C19orf12: variants seen among roughly 807,000 people sequenced by gnomAD.
C19orf12 encodes protein C19orf12.
In C19orf12, 2 loss-of-function variants were observed where a neutral mutation model predicts 3.8. The ratio of observed to expected loss-of-function variants is 0.53; its 90% confidence interval spans 0.22 to 1.66. The LOEUF is 1.66. C19orf12 is among the 40% of genes most tolerant of loss of function. The pLI, the probability that C19orf12 is intolerant of heterozygous loss-of-function variation, is 0.20. For missense variants in C19orf12, 156 were observed against 188.8 expected, an observed-to-expected ratio of 0.83 and a Z score of 1.02; for synonymous variants, 89 against 84.6, an observed-to-expected ratio of 1.05 and a Z score of -0.28.
At position 29,700,050 on chromosome 19, in the gene C19orf12, G is replaced by C; in HGVS notation, c.*2662C>G. ...TTCACTCAGCAAGGCCTGCTCCATC[G>C]GACACAAAACTGATCAGGAGTTGGA... On this transcript the variant is annotated 3_prime_UTR_variant, in exon 3 of 3. Coordinates refer to ENST00000323670, the MANE Select transcript of C19orf12 (RefSeq NM_031448.6). 2.2e-6 allele frequency: 1 copy of C among 453,886 alleles called. No individual in the cohort carries two copies. The highest frequency in any genetic ancestry group is 1.6e-5 in the South Asian group (1 of 64,472). The allele number at this position is 453,886 out of a possible 1,614,324, so 28.1% of individuals were successfully genotyped here. A position where few individuals can be genotyped will look rare whatever the true frequency, so the allele number is the denominator to read the frequency against.
chr19:29,705,669 C>A (rs1010235959), intron 2 of C19orf12, among the ~76,000 whole-genome samples: 1 of 148,904 alleles, frequency 6.7e-6, no homozygotes, highest in Non-Finnish European at 1.5e-5. Flanking sequence ...AACCACCATG[C>A]CTGGCTAATT....
At chr19:29,704,757 C>G (rs1275345321) in intron 2 of C19orf12, among the ~76,000 whole-genome samples, 1 of 152,174 alleles carries the variant, frequency 6.6e-6, no homozygotes, top group African/African-American at 2.4e-5. Flanking sequence ...CCCGGCCTCT[C>G]CCCTGCTGAG....
At chr19:29,712,567 T>G (rs1972739657) in intron 1 of C19orf12, among the ~76,000 whole-genome samples, 2 of 152,040 alleles carry the variant, frequency 1.3e-5, no homozygotes, top group Admixed American at 6.6e-5. Context: ...CATGGAGTAG[T>G]AACTCAGGCT....
In C19orf12 at chr19:29,705,366, C is replaced by G. The variant is rs141223650; in HGVS notation, c.161-2389G>C. On this transcript the variant is annotated intron_variant, in intron 2 of 2. Transcript: ENST00000323670. ...GAGGAGACTAAGAAAGCAGGCGATT[C>G]AATGCAATGCGGTGTCTTAGACTGG... The G allele has an allele frequency of 1.1e-3, 404 of 374,862 alleles. 1 individual carries two copies. Among genetic ancestry groups the G allele is most frequent in the African/African-American group, 0.011 (364 of 34,226 alleles). The allele number at this position is 374,862 out of a possible 1,614,324, so 23.2% of individuals were successfully genotyped here. A position where few individuals can be genotyped will look rare whatever the true frequency, so the allele number is the denominator to read the frequency against.
Position 29,702,744 on chromosome 19 carries a change from C to T in C19orf12, c.394G>A (p.Glu132Lys), listed in dbSNP as rs1470139009. Residue 132 changes from glutamate (E) to lysine (K), a missense_variant, in exon 3 of 3, where the codon GAG (glutamate) becomes AAG (lysine). Physicochemically the swap from Glu to Lys is moderately conservative, Grantham distance 56. Transcript: ENST00000323670. ...LAMLVNYVTK[E>K]LRAEIQYDD ...TCATACTGGATCTCGGCCCGCAGCT[C>T]CTTGGTGACGTAGTTCACCAGCATG... The T allele has an allele frequency of 6.2e-7, 1 of 1,613,804 alleles. No homozygotes were observed. The highest frequency in any genetic ancestry group is 1.3e-5 in the African/African-American group (1 of 74,926).
Position 29,700,731 on chromosome 19 carries a change from C to T in C19orf12, c.*1981G>A, listed in dbSNP as rs186928561. On this transcript the variant is annotated 3_prime_UTR_variant, in exon 3 of 3. Coordinates refer to ENST00000323670, the MANE Select transcript of C19orf12 (RefSeq NM_031448.6). ...GGCCAGCAGAAGAGCAATCGCTCTG[C>T]AAGAGAAAGGCTCGGCCCTTCCTTA... 2.2e-6 allele frequency: 1 copy of T among 454,150 alleles called. No individual in the cohort carries two copies. The highest frequency in any genetic ancestry group is 2.0e-5 in the African/African-American group (1 of 50,136). The allele number at this position is 454,150 out of a possible 1,614,324, so 28.1% of individuals were successfully genotyped here.
intron 1 of C19orf12, among the ~76,000 whole-genome samples, chr19:29,712,310 G>A (rs1368837946): frequency 1.3e-5 from 2 of 152,068 alleles, no homozygotes; most frequent in African/African-American, 4.8e-5. Flanking sequence ...GGAGGCTGAG[G>A]CAGGAGAACC....
chr19:29,706,084 C>T (rs189347227), intron 2 of C19orf12, among the ~76,000 whole-genome samples: 12 of 152,334 alleles, frequency 7.9e-5, no homozygotes, highest in Non-Finnish European at 1.6e-4. Flanking sequence ...GACACCACCC[C>T]GGGTACTGAG....
chr19:29,712,367 C>T (rs1306650125), intron 1 of C19orf12, among the ~76,000 whole-genome samples: 6 of 151,928 alleles, frequency 3.9e-5, no homozygotes, highest in African/African-American at 1.5e-4. Context: ...GATCACACCA[C>T]TGCACTCCAG....
chr19:29,701,953 G>C lies in C19orf12; in HGVS notation c.*759C>G, dbSNP rs139678320. ...GCTTTATTGTGATGTTGGCTTTACCGAGGTGGTCTGGAACTGAACCCACAA... is the reference window on the plus strand; with the variant it reads ...GCTTTATTGTGATGTTGGCTTTACCCAGGTGGTCTGGAACTGAACCCACAA... On this transcript the variant is annotated 3_prime_UTR_variant, in exon 3 of 3. Coordinates refer to ENST00000323670, the MANE Select transcript of C19orf12 (RefSeq NM_031448.6). 2.2e-6 allele frequency: 1 copy of C among 454,128 alleles called. No homozygotes were observed. The highest frequency in any genetic ancestry group is 6.9e-5 in the East Asian group (1 of 14,398). 28.1% of individuals were successfully genotyped at this position (454,128 alleles called of 1,614,324 possible). A position where few individuals can be genotyped will look rare whatever the true frequency, so the allele number is the denominator to read the frequency against.
chr19:29,714,914 A>T lies in C19orf12; in HGVS notation c.-11+211T>A, dbSNP rs1189620565. On this transcript the variant is annotated intron_variant, in intron 1 of 2. Transcript: ENST00000323670. ...CCCAGCTCTGCTGCTTACTTGTGTG[A>T]CTTCAGCCTCTCCATGCCTCAGTTT... 1.9e-5 allele frequency: 12 copies of T among 624,660 alleles called. No individual in the cohort carries two copies. The Admixed American group carries it at 2.7e-4, about 14-fold the overall frequency. 38.7% of individuals were successfully genotyped at this position (624,660 alleles called of 1,614,324 possible).
At chr19:29,707,008 T>C (rs764736219) in intron 2 of C19orf12, among the ~76,000 whole-genome samples, 4 of 152,174 alleles carry the variant, frequency 2.6e-5, no homozygotes, top group Admixed American at 6.5e-5. Context: ...CAAGGAACAG[T>C]GGAAAAATTA....
chr19:29,711,978 C>T (rs1972704628), intron 1 of C19orf12, among the ~76,000 whole-genome samples: 1 of 152,168 alleles, frequency 6.6e-6, no homozygotes, highest in Non-Finnish European at 1.5e-5. Flanking sequence ...TAACAAAAAG[C>T]AGCCTAAGAA....
intron 1 of C19orf12, among the ~76,000 whole-genome samples, chr19:29,709,529 CTTTTTT>C (rs10562051): frequency 4.2e-4 from 55 of 131,900 alleles, no homozygotes; most frequent in Non-Finnish European, 3.2e-5. Context: ...TGCTTATTAT[CTTTTTT>C]TTTTTTTTTT....
intron 1 of C19orf12, among the ~76,000 whole-genome samples, chr19:29,711,080 C>T (rs2145648417): frequency 7.7e-6 from 1 of 129,302 alleles, no homozygotes; most frequent in South Asian, 2.6e-4. Flanking sequence ...TGCTCCGTCA[C>T]CTAGGCTGGA....
At chr19:29,712,452 A>G (rs1972730715) in intron 1 of C19orf12, among the ~76,000 whole-genome samples, 1 of 151,908 alleles carries the variant, frequency 6.6e-6, no homozygotes, top group Non-Finnish European at 1.5e-5. Flanking sequence ...CTTGCATGGC[A>G]CTGATAAGAA....
At chr19:29,706,020 A>G (rs1972363573) in intron 2 of C19orf12, among the ~76,000 whole-genome samples, 1 of 152,242 alleles carries the variant, frequency 6.6e-6, no homozygotes, top group African/African-American at 2.4e-5. Context: ...GACAACAGGC[A>G]GCAAAACCAG....
At position 29,702,688 on chromosome 19, in the gene C19orf12, C is replaced by A; in HGVS notation, c.*24G>T. ...GAATCACAGAGTCATTTAAAGGGGC[C>A]CCCCACCTCCCCGGAGGTGCGGCCT... On this transcript the variant is annotated 3_prime_UTR_variant, in exon 3 of 3. Transcript: ENST00000323670. 1 of 1,612,162 alleles carries A rather than the reference C, an allele frequency of 6.2e-7. No homozygotes were observed. Among genetic ancestry groups the A allele is most frequent in the Non-Finnish European group, 8.5e-7 (1 of 1,180,004 alleles).
chr19:29,708,703 C>T (rs963757563), intron 1 of C19orf12: 27 of 472,452 alleles, frequency 5.7e-5, no homozygotes, highest in Admixed American at 5.1e-4. Flanking sequence ...AGGAGCAACC[C>T]GGCCACATGT....
Sources: allele counts gnomAD v4.1 joint callset (sites outside exome capture counted in the v4.1 genomes callset), GRCh38; gene constraint gnomAD v4.1.1; transcripts MANE v1.5; gene names NCBI Gene and HGNC (gene_info 2026-07-23, HGNC 2026-07-21).